Variants in FTO observed in about 807,000 individuals in gnomAD.
The protein encoded by FTO is FTO alpha-ketoglutarate dependent dioxygenase.
In FTO, 47 loss-of-function variants were observed where a neutral mutation model predicts 63.9. The ratio of observed to expected loss-of-function variants is 0.74; its 90% CI spans 0.58 to 0.94. The LOEUF (loss-of-function observed/expected upper bound fraction) is 0.94. Ranked by LOEUF, FTO falls within the 40% of genes least tolerant of loss-of-function variation. The pLI is 0.00. For synonymous variants in FTO, 207 were observed against 224.4 expected (o/e 0.92, Z 0.69); for missense variants, 562 against 618.1 (o/e 0.91, Z 0.96).
At chr16:53,974,960 A>T (rs2083402660) in intron 8 of FTO, among the ~76,000 whole-genome samples, 1 of 152,192 alleles carries the variant, frequency 6.6e-6, no homozygotes. Flanking sequence ...CAAACTATTT[A>T]TAGAAACATT....
intron 2 of FTO, among the ~76,000 whole-genome samples, chr16:53,822,567 C>G (rs776209921): frequency 6.6e-6 from 1 of 152,164 alleles, no homozygotes; most frequent in South Asian, 2.1e-4. Flanking sequence ...GAGATGCACA[C>G]AGTGGGCTCT....
At chr16:54,016,842 G>C (rs186256991) in intron 8 of FTO, among the ~76,000 whole-genome samples, 246 of 152,244 alleles carry the variant, frequency 1.6e-3, no homozygotes, top group African/African-American at 5.7e-3. Flanking sequence ...TTTTGTACAC[G>C]CCAGAGCAAA....
At chr16:54,040,456 T>G (rs2085044983) in intron 8 of FTO, 1 of 152,206 alleles carries the variant, frequency 6.6e-6, no homozygotes, top group South Asian at 2.1e-4. Context: ...ACCCTAAAGT[T>G]GATGTTTTTT....
rs1393406068 is a variant in FTO at position 54,111,929 on chromosome 16, C to A, written c.*14C>A. The stretch of plus-strand genomic sequence containing the variant: ...GCAAAACCCTAGAAGGAGCACAAGT[C>A]TCAGGCGGAGGAGAAAAAGAGATCG... On this transcript the variant is annotated 3_prime_UTR_variant, in exon 9 of 9. Coordinates refer to ENST00000471389, the MANE Select transcript of FTO (RefSeq NM_001080432.3). 1 of 1,613,976 alleles carries A rather than the reference C, an allele frequency of 6.2e-7. No individual in the cohort carries two copies.
At chr16:54,092,632 C>T (rs1214849021) in intron 8 of FTO, among the ~76,000 whole-genome samples, 1 of 152,170 alleles carries the variant, frequency 6.6e-6, no homozygotes, top group African/African-American at 2.4e-5. Flanking sequence ...TTCACAGACC[C>T]ACTCGCTGCC....
chr16:53,826,588 T>G (rs544841709), intron 3 of FTO, 97 bp downstream of exon 3: 3 of 1,193,506 alleles, frequency 2.5e-6, no homozygotes, highest in Admixed American at 3.4e-5. Context: ...TGAACATGTT[T>G]GCATGTGTGC....
chr16:53,987,917 T>G (rs1196970964), intron 8 of FTO, among the ~76,000 whole-genome samples: 2 of 152,218 alleles, frequency 1.3e-5, no homozygotes, highest in Non-Finnish European at 2.9e-5. Context: ...GAAAGTATTA[T>G]TAGTATATTA....
At chr16:53,792,063 G>GA (rs2077932813) in intron 1 of FTO, among the ~76,000 whole-genome samples, 1 of 143,518 alleles carries the variant, frequency 7.0e-6, no homozygotes, top group Non-Finnish European at 1.5e-5. Context: ...GCCACAGAGC[G>GA]AGACTTCGTC....
chr16:53,771,094 G>A (rs1290608262), intron 1 of FTO, among the ~76,000 whole-genome samples: 1 of 152,098 alleles, frequency 6.6e-6, no homozygotes, highest in Non-Finnish European at 1.5e-5. Context: ...TCGCGAAAGG[G>A]ATTGGCAATT....
At chr16:54,017,388 T>A (rs2084475311) in intron 8 of FTO, among the ~76,000 whole-genome samples, 1 of 152,220 alleles carries the variant, frequency 6.6e-6, no homozygotes, top group South Asian at 2.1e-4. Flanking sequence ...TTATGTGGAA[T>A]ATCATGAGCT....
At position 53,824,832 on chromosome 16, in the gene FTO, C is replaced by T. The variant is rs1456658709; in HGVS notation, c.124-1032C>T. Among the ~76,000 whole-genome samples, 6 of 152,222 alleles carry T rather than the reference C, an allele frequency of 3.9e-5. No individual in the cohort carries two copies. In the East Asian group the frequency reaches 1.2e-3, roughly 29 times the overall value. ...ACGTTACAGAGGTAAATGTAAAATCCTGTGATTTGGTTACAAATAAATCAG... is the reference window on the plus strand; with the variant it reads ...ACGTTACAGAGGTAAATGTAAAATCTTGTGATTTGGTTACAAATAAATCAG... On this transcript the variant is annotated intron_variant, in intron 2 of 8. Transcript: ENST00000471389.
intron 1 of FTO, among the ~76,000 whole-genome samples, chr16:53,787,761 T>C (rs966683459): frequency 7.2e-5 from 11 of 152,110 alleles, no homozygotes; most frequent in Non-Finnish European, 7.4e-5. Flanking sequence ...CAAATGACAT[T>C]ATAGTTAAAT....
At chr16:53,909,585 AC>A (rs2081632193) in intron 7 of FTO, among the ~76,000 whole-genome samples, 1 of 112,810 alleles carries the variant, frequency 8.9e-6, no homozygotes, top group African/African-American at 3.8e-5. Flanking sequence ...TTTTTTTGAG[AC>A]AGAGTCTCAC....
Position 53,732,219 on chromosome 16 carries a change from C to A in FTO, c.45+27990C>A, listed in dbSNP as rs565035921. On this transcript the variant is annotated intron_variant, in intron 1 of 8. Coordinates refer to ENST00000471389, the MANE Select transcript of FTO (RefSeq NM_001080432.3). ...GCCCGCCACCACGCCCGGCTAATTT[C>A]TTTTTGTATTTTTAGTAGAGACAGG... Among the ~76,000 whole-genome samples the A allele has an allele frequency of 2.0e-4, 31 of 151,628 alleles. No homozygotes were observed. The East Asian group carries it at 4.5e-3, about 22-fold the overall frequency.
intron 5 of FTO, among the ~76,000 whole-genome samples, chr16:53,875,144 A>T (rs2080612671): frequency 7.4e-6 from 1 of 134,444 alleles, no homozygotes; most frequent in Non-Finnish European, 1.8e-5. Context: ...TTTATAGAGC[A>T]TCTAATATGT....
chr16:53,739,063 G>T (rs1212514642), intron 1 of FTO, among the ~76,000 whole-genome samples: 1 of 152,156 alleles, frequency 6.6e-6, no homozygotes, highest in African/African-American at 2.4e-5. Context: ...CTGGGCTCAA[G>T]TGATCCTCCA....
At chr16:53,785,914 G>GAA (rs764170371) in intron 1 of FTO, among the ~76,000 whole-genome samples, 37,793 of 101,934 alleles carry the variant, frequency 0.37, 6,543 homozygotes, top group Non-Finnish European at 0.47. Context: ...ATCTCAAAAA[G>GAA]AAAAAAAAAA....
rs144240898 is a variant in FTO at position 54,088,638 on chromosome 16, A to G, written c.1365-23124A>G. On this transcript the variant is annotated intron_variant, in intron 8 of 8. Transcript: ENST00000471389. ...AATAAACAGATATTCCAAATACGGC[A>G]GTGAATTAAATGTTTTCAATAGGGG... Among the ~76,000 whole-genome samples the G allele has an allele frequency of 1.9e-3, 296 of 152,356 alleles. 1 individual carries two copies. The highest frequency in any genetic ancestry group is 3.5e-3 in the Non-Finnish European group (238 of 68,038).
rs531892055 is a variant in FTO at position 53,918,213 on chromosome 16, AT to A, written c.1240-15770del. On this transcript the variant is annotated intron_variant, in intron 7 of 8. Coordinates refer to ENST00000471389, the MANE Select transcript of FTO (RefSeq NM_001080432.3). ...GGGGATATTTTCCGGGAAATGTCTCATTAGGTGATGTTGTTGTTGTGTGAAC... is the reference window on the plus strand; with the variant it reads ...GGGGATATTTTCCGGGAAATGTCTCATAGGTGATGTTGTTGTTGTGTGAAC... 3.2e-3 allele frequency among the ~76,000 whole-genome samples: 487 copies of A among 152,302 alleles called. 3 individuals are homozygous for A. Among genetic ancestry groups the A allele is most frequent in the African/African-American group, 0.011 (464 of 41,556 alleles).
Sources: gnomAD v4.1 joint callset for allele counts (sites outside exome capture counted in the v4.1 genomes callset) on GRCh38, gnomAD v4.1.1 for gene constraint, MANE v1.5 for transcripts, NCBI Gene and HGNC (gene_info 2026-07-23, HGNC 2026-07-21) for gene names.